Variants in PLXNA2 observed in about 807,000 individuals in gnomAD.
PLXNA2 encodes the protein plexin A2.
A neutral mutation model predicts 193.5 loss-of-function variants in PLXNA2; 91 were observed. The ratio of observed to expected loss-of-function variants is 0.47; its 90% CI spans 0.40 to 0.56. PLXNA2 has a LOEUF of 0.56. Ranked by LOEUF, PLXNA2 falls within the 20% of genes least tolerant of loss-of-function variation. The pLI, the probability that PLXNA2 is intolerant of heterozygous loss-of-function variation, is 0.00. For missense variants in PLXNA2, 1,995 were observed against 2,503.2 expected (o/e 0.80, Z 4.33); for synonymous variants, 997 against 1,027.3 (o/e 0.97, Z 0.56).
chr1:208,044,492 G>A lies in PLXNA2; in HGVS notation c.3874+16C>T, dbSNP rs750199699. On this transcript the variant is annotated intron_variant, in intron 20 of 31. Transcript: ENST00000367033. The surrounding 1 kb of genome is among the most constrained non-coding windows in gnomAD (Gnocchi z 4.9). The stretch of plus-strand genomic sequence containing the variant: ...AGAAAGAGGGACCCAGCAAATGAGG[G>A]TGTGCTTCCACTAACCTTCCTTGCA... 1.9e-6 allele frequency: 3 copies of A among 1,565,500 alleles called. No individual in the cohort carries two copies. Among genetic ancestry groups the A allele is most frequent in the Admixed American group, 1.7e-5 (1 of 59,928 alleles).
intron 17 of PLXNA2, among the ~76,000 whole-genome samples, chr1:208,049,381 AG>A (rs1382715362): frequency 2.0e-5 from 3 of 148,024 alleles, no homozygotes; most frequent in Non-Finnish European, 4.4e-5. Flanking sequence ...TAGACTCTGG[AG>A]TTACCTGGGA....
At position 208,210,299 on chromosome 1, in the gene PLXNA2, T is replaced by A. The variant is rs1670894581; in HGVS notation, c.1352A>T (p.Lys451Met). The A allele has an allele frequency of 6.2e-7, 1 of 1,613,910 alleles. No homozygotes were observed. Among genetic ancestry groups the A allele is most frequent in the African/African-American group, 1.3e-5 (1 of 74,956 alleles). The change falls in exon 3 of 32, where the codon AAG becomes ATG. Residue 451 changes from lysine to methionine, a missense_variant. Lys to Met is a moderately conservative substitution (Grantham distance 95, BLOSUM62 -1). Around this residue, in one of 3 missense-constraint regions of PLXNA2, gnomAD observed 702 missense variants for 812.9 expected, o/e 0.86. Transcript: ENST00000367033. ...NGYSVVFVGTKSGKLKKIRAD... is the reference protein window; with the variant it reads ...NGYSVVFVGTMSGKLKKIRAD... Reference sequence around the variant, plus strand: ...TCTTACCTTTTTCAGCTTGCCACTCTTAGTCCCCACAAAAACCACGCTGTA... The same window carrying A: ...TCTTACCTTTTTCAGCTTGCCACTCATAGTCCCCACAAAAACCACGCTGTA...
chr1:208,047,440 T>A (rs114559257), intron 17 of PLXNA2, among the ~76,000 whole-genome samples: 5,061 of 152,348 alleles, frequency 0.033, 147 homozygotes, highest in Non-Finnish European at 0.053. Context: ...GCATGAGCTG[T>A]GCCATTCTCT....
chr1:208,083,888 C>T (rs540549250), intron 10 of PLXNA2, among the ~76,000 whole-genome samples: 3 of 152,130 alleles, frequency 2.0e-5, no homozygotes, highest in Non-Finnish European at 2.9e-5. Context: ...CTGTGGAGCA[C>T]CCTCCTGGTT....
intron 4 of PLXNA2, among the ~76,000 whole-genome samples, chr1:208,104,676 A>G (rs115653321): frequency 0.024 from 3,593 of 152,182 alleles, 66 homozygotes; most frequent in Non-Finnish European, 0.035. Context: ...AGTGGGTGGG[A>G]GGGGAGAGAG....
intron 27 of PLXNA2, among the ~76,000 whole-genome samples, 166 bp from the exon 28 acceptor site, chr1:208,033,675 T>C (rs1408185716): frequency 6.6e-6 from 1 of 152,188 alleles, no homozygotes; most frequent in Non-Finnish European, 1.5e-5. Context: ...TTAGGGATCC[T>C]TGGTTGGCAT....
At chr1:208,188,441 G>A (rs1394148409) in intron 3 of PLXNA2, among the ~76,000 whole-genome samples, 1 of 152,180 alleles carries the variant, frequency 6.6e-6, no homozygotes, top group African/African-American at 2.4e-5. Context: ...GGGCGCAGTG[G>A]CTCACGCCTG....
chr1:208,081,121 C>T (rs1478429687), intron 11 of PLXNA2, among the ~76,000 whole-genome samples: 1 of 152,246 alleles, frequency 6.6e-6, no homozygotes, highest in African/African-American at 2.4e-5. Context: ...CTCTAAGCTC[C>T]AGGTGCTAAG....
chr1:208,217,848 C>A lies in PLXNA2; in HGVS notation c.75G>T (p.Trp25Cys), dbSNP rs1331943453. 1.2e-6 allele frequency: 2 copies of A among 1,613,830 alleles called. No homozygotes were observed. The highest frequency in any genetic ancestry group is 1.7e-6 in the Non-Finnish European group (2 of 1,180,026). Residue 25 changes from tryptophan (W) to cysteine (C), a missense_variant, in exon 2 of 32, where the codon TGG (tryptophan) becomes TGT (cysteine). Coordinates refer to ENST00000367033, the MANE Select transcript of PLXNA2 (RefSeq NM_025179.4). The surrounding 1 kb of genome is among the most constrained non-coding windows in gnomAD (Gnocchi z 4.7). ...CGGCTGCTGGGGGGGCCAGCAGCAC[C>A]CAGACCACTGAGAGCAGGACCACAG... is the stretch of plus-strand genomic sequence containing the variant. ...SRSVVLLSVV[W>C]VLLAPPAAGM...
At chr1:208,243,477 G>A (rs1672129224) in intron 1 of PLXNA2, among the ~76,000 whole-genome samples, 166 bp downstream of exon 1, 1 of 152,024 alleles carries the variant, frequency 6.6e-6, no homozygotes, top group African/African-American at 2.4e-5. Context: ...GCCCGCGAAA[G>A]TGGCCGAGCC....
chr1:208,085,018 C>G (rs960906915), intron 9 of PLXNA2, among the ~76,000 whole-genome samples: 2 of 152,144 alleles, frequency 1.3e-5, no homozygotes, highest in African/African-American at 4.8e-5. Flanking sequence ...CTTCCCAGCC[C>G]CGACTGAGCT....
At chr1:208,218,574 G>A (rs577300910) in intron 1 of PLXNA2, among the ~76,000 whole-genome samples, 4 of 152,266 alleles carry the variant, frequency 2.6e-5, no homozygotes, top group East Asian at 1.9e-4. Flanking sequence ...GCAAGGAGCT[G>A]GTCACCCTGA....
chr1:208,234,127 G>C (rs76078172), intron 1 of PLXNA2, among the ~76,000 whole-genome samples: 1 of 152,124 alleles, frequency 6.6e-6, no homozygotes, highest in Non-Finnish European at 1.5e-5. Flanking sequence ...CAGATCAAGA[G>C]AGTGTGGTGA....
In PLXNA2 at chr1:208,028,463, T is replaced by C. The variant is rs767757971; in HGVS notation, c.5439-304A>G. Among the ~76,000 whole-genome samples the C allele has an allele frequency of 2.0e-5, 3 of 152,162 alleles. No individual in the cohort carries two copies. Among genetic ancestry groups the C allele is most frequent in the Admixed American group, 2.0e-4 (3 of 15,268 alleles). Reference sequence around the variant, plus strand: ...TCCCAGCTCTGCTACCTGCTAGCTGTGTGACGCAGGGCAAGTTATTTACCC... The same window carrying C: ...TCCCAGCTCTGCTACCTGCTAGCTGCGTGACGCAGGGCAAGTTATTTACCC... On this transcript the variant is annotated intron_variant, in intron 30 of 31. Transcript: ENST00000367033. The surrounding 1 kb of genome is among the most constrained non-coding windows in gnomAD (Gnocchi z 4.2).
intron 1 of PLXNA2, among the ~76,000 whole-genome samples, chr1:208,232,255 C>A (rs1485869568): frequency 6.6e-6 from 1 of 152,202 alleles, no homozygotes; most frequent in Non-Finnish European, 1.5e-5. Context: ...CCCCAGCCGG[C>A]CCTTTATTGT....
At chr1:208,100,444 C>G (rs1254894755) in intron 5 of PLXNA2, among the ~76,000 whole-genome samples, 1 of 152,032 alleles carries the variant, frequency 6.6e-6, no homozygotes, top group Non-Finnish European at 1.5e-5. Context: ...AGAAAATGGC[C>G]TGGCGCATAG....
At chr1:208,039,813 G>A (rs757375801) in intron 23 of PLXNA2, 46 bp from the exon 24 acceptor site, 7 of 1,612,520 alleles carry the variant, frequency 4.3e-6, no homozygotes, top group Non-Finnish European at 5.9e-6. Context: ...GCCTCCTCAG[G>A]TTTGTACGTT....
In PLXNA2 at chr1:208,082,585, A is replaced by G; in HGVS notation, c.2299-77T>C. ...GGTCAGGGATGCAGACAAACCCTGCATGCTGCTCAGATTATTATGACGCTC... is the reference window on the plus strand; with the variant it reads ...GGTCAGGGATGCAGACAAACCCTGCGTGCTGCTCAGATTATTATGACGCTC... On this transcript the variant is annotated intron_variant, in intron 10 of 31. Coordinates refer to ENST00000367033, the MANE Select transcript of PLXNA2 (RefSeq NM_025179.4). The surrounding 1 kb of genome is among the most constrained non-coding windows in gnomAD (Gnocchi z 4.2). 2.1e-6 allele frequency: 2 copies of G among 963,950 alleles called. No individual in the cohort carries two copies. Among genetic ancestry groups the G allele is most frequent in the Non-Finnish European group, 3.3e-6 (2 of 606,000 alleles). 59.7% of individuals were successfully genotyped at this position (963,950 alleles called of 1,614,324 possible).
chr1:208,201,973 A>ATTTTTTTTTTTTTTTTTTTTTTTTTTTT (rs59313982), intron 3 of PLXNA2, among the ~76,000 whole-genome samples: 1 of 132,626 alleles, frequency 7.5e-6, no homozygotes, highest in Non-Finnish European at 1.6e-5. Flanking sequence ...CAGGGCAAGA[A>ATTTTTTTTTTTTTTTTTTTTTTTTTTTT]TTTTTTTTTT....
Sources: allele counts gnomAD v4.1 joint callset (sites outside exome capture counted in the v4.1 genomes callset), GRCh38; gene constraint gnomAD v4.1.1; regional missense constraint gnomAD v4.1.1; non-coding constraint Gnocchi (gnomAD v3.1); transcripts MANE v1.5; gene names NCBI Gene and HGNC (gene_info 2026-07-23, HGNC 2026-07-21).